NRG3: variants seen among roughly 807,000 people sequenced by gnomAD.
The protein encoded by NRG3 is neuregulin 3, also known as pro-neuregulin-3, membrane-bound isoform.
NRG3 carries 31 observed loss-of-function variants against 66.9 expected under a neutral mutation model. The ratio of observed to expected loss-of-function variants is 0.46; its 90% CI spans 0.35 to 0.63. NRG3 has a LOEUF of 0.63. Among genes scored for constraint, NRG3 ranks in the 20% least tolerant of loss-of-function variants. The pLI, the probability that NRG3 is intolerant of heterozygous loss-of-function variation, is 0.00. For synonymous variants in NRG3, 393 were observed against 359.4 expected, an observed-to-expected ratio of 1.09 and a Z score of -1.06; for missense variants, 910 against 878.9, an observed-to-expected ratio of 1.04 and a Z score of -0.45.
chr10:82,723,364 C>A (rs1351473836), intron 2 of NRG3, among the ~76,000 whole-genome samples: 3 of 152,128 alleles, frequency 2.0e-5, no homozygotes, highest in Non-Finnish European at 4.4e-5. Context: ...CTATTGGATA[C>A]TATGCTTCGT....
chr10:82,932,101 C>A (rs1847632943), intron 4 of NRG3, among the ~76,000 whole-genome samples: 2 of 152,112 alleles, frequency 1.3e-5, no homozygotes, highest in South Asian at 4.1e-4. Flanking sequence ...TGCAGCAGCA[C>A]TCCAAGTTCC....
intron 3 of NRG3, among the ~76,000 whole-genome samples, chr10:82,826,102 T>G (rs2062193574): frequency 6.6e-6 from 1 of 152,220 alleles, no homozygotes; most frequent in Non-Finnish European, 1.5e-5. Context: ...TGCATTTATA[T>G]GTTTAAATTA....
chr10:82,376,406 G>C (rs1048269109), intron 2 of NRG3, among the ~76,000 whole-genome samples: 2 of 152,158 alleles, frequency 1.3e-5, no homozygotes, highest in African/African-American at 4.8e-5. Flanking sequence ...GGCTTCCCAG[G>C]TCCTTGAAAC....
chr10:81,957,380 C>T (rs1462819933), intron 1 of NRG3, among the ~76,000 whole-genome samples: 1 of 152,106 alleles, frequency 6.6e-6, no homozygotes, highest in Non-Finnish European at 1.5e-5. Flanking sequence ...CTCTTCTCTC[C>T]CTTACATCAT....
At chr10:82,837,911 A>T (rs897174561) in intron 3 of NRG3, among the ~76,000 whole-genome samples, 1 of 152,142 alleles carries the variant, frequency 6.6e-6, no homozygotes, top group Non-Finnish European at 1.5e-5. Context: ...ATCATCAACA[A>T]ACAGTAGTAC....
At chr10:82,887,212 A>C (rs747003591) in intron 4 of NRG3, among the ~76,000 whole-genome samples, 3 of 152,170 alleles carry the variant, frequency 2.0e-5, no homozygotes, top group South Asian at 4.1e-4. Flanking sequence ...ATTAGGATAG[A>C]GCAAGCTCTT....
chr10:82,742,168 G>A (rs950640968), intron 3 of NRG3, among the ~76,000 whole-genome samples: 3 of 151,982 alleles, frequency 2.0e-5, no homozygotes, highest in Non-Finnish European at 4.4e-5. Flanking sequence ...ATCCCTATTA[G>A]CAGGGGGTGA....
intron 2 of NRG3, among the ~76,000 whole-genome samples, chr10:82,627,816 T>A: frequency 6.6e-6 from 1 of 152,172 alleles, no homozygotes; most frequent in East Asian, 1.9e-4. Context: ...GCCACAAATG[T>A]CATCTCTCTG....
chr10:82,522,048 T>TC (rs1030250794), intron 2 of NRG3, among the ~76,000 whole-genome samples: 3 of 148,182 alleles, frequency 2.0e-5, no homozygotes, highest in African/African-American at 7.5e-5. Context: ...TCTTTTTTTT[T>TC]TTTTTTTTTT....
intron 1 of NRG3, among the ~76,000 whole-genome samples, chr10:82,196,709 T>C (rs2074469799): frequency 6.6e-6 from 1 of 152,178 alleles, no homozygotes; most frequent in Non-Finnish European, 1.5e-5. Flanking sequence ...CAGCTCTCAC[T>C]GTACAAGGTC....
chr10:82,367,187 A>C (rs1216680768), intron 2 of NRG3, among the ~76,000 whole-genome samples: 1 of 152,208 alleles, frequency 6.6e-6, no homozygotes, highest in Non-Finnish European at 1.5e-5. Context: ...TGATTTATTT[A>C]CCAGCTGTAA....
chr10:82,555,929 A>G (rs757226435), intron 2 of NRG3, among the ~76,000 whole-genome samples: 5 of 152,066 alleles, frequency 3.3e-5, no homozygotes, highest in Non-Finnish European at 5.9e-5. Flanking sequence ...CTAAGAAGTC[A>G]TTTATATATT....
At chr10:82,046,944 T>C (rs1029444520) in intron 1 of NRG3, among the ~76,000 whole-genome samples, 2 of 144,292 alleles carry the variant, frequency 1.4e-5, no homozygotes, top group African/African-American at 5.0e-5. Context: ...GGATAAGCTT[T>C]TTGATGTGCT....
At chr10:82,038,792 G>A (rs2062906372) in intron 1 of NRG3, among the ~76,000 whole-genome samples, 2 of 152,060 alleles carry the variant, frequency 1.3e-5, no homozygotes, top group African/African-American at 4.8e-5. Context: ...TACTTCACAT[G>A]TGTCTCTGTT....
rs373013230 is a variant in NRG3 at position 81,907,422 on chromosome 10, GGAT to G, written c.823+31276_823+31278del. 1.5e-3 allele frequency among the ~76,000 whole-genome samples: 221 copies of G among 152,152 alleles called. 1 individual carries two copies. The highest frequency in any genetic ancestry group is 4.7e-3 in the African/African-American group (197 of 41,532). Reference sequence around the variant, plus strand: ...TTTCTCTGATGGAAACTGAAATAGTGGATGATGATGATGATGATGGAAATTTCA... The same window carrying G: ...TTTCTCTGATGGAAACTGAAATAGTGGATGATGATGATGATGGAAATTTCA... On this transcript the variant is annotated intron_variant, in intron 1 of 8. Transcript: ENST00000372141.
chr10:82,966,707 G>T (rs538619238), intron 6 of NRG3, among the ~76,000 whole-genome samples: 17 of 152,020 alleles, frequency 1.1e-4, no homozygotes, highest in African/African-American at 3.1e-4. Flanking sequence ...ATCACAAAGG[G>T]GTTGTCTCTT....
chr10:81,984,701 G>A (rs766924246), intron 1 of NRG3, among the ~76,000 whole-genome samples: 2 of 152,148 alleles, frequency 1.3e-5, no homozygotes, highest in African/African-American at 4.8e-5. Context: ...TGTTTCAAAG[G>A]CATCTTGAAT....
At chr10:82,408,575 C>A (rs569779246) in intron 2 of NRG3, among the ~76,000 whole-genome samples, 218 of 150,760 alleles carry the variant, frequency 1.4e-3, no homozygotes, top group Non-Finnish European at 2.4e-3. Flanking sequence ...ATGAACGTTT[C>A]AAGAACATGT....
intron 1 of NRG3, among the ~76,000 whole-genome samples, chr10:82,136,194 A>T (rs2069333098): frequency 1.3e-5 from 2 of 152,120 alleles, no homozygotes; most frequent in South Asian, 4.1e-4. Flanking sequence ...ACTTTCCCTC[A>T]AACAAATGAG....
Sources: gnomAD v4.1 joint callset for allele counts (sites outside exome capture counted in the v4.1 genomes callset) on GRCh38, gnomAD v4.1.1 for gene constraint, MANE v1.5 for transcripts, NCBI Gene and HGNC (gene_info 2026-07-23, HGNC 2026-07-21) for gene names.